NOS1AP: variants seen among roughly 807,000 people sequenced by gnomAD.
The protein encoded by NOS1AP is nitric oxide synthase 1 adaptor protein, also known as carboxyl-terminal PDZ ligand of neuronal nitric oxide synthase protein.
In NOS1AP, 21 loss-of-function variants were observed where a neutral mutation model predicts 56.2. The ratio of observed to expected loss-of-function variants is 0.37; its 90% confidence interval spans 0.26 to 0.54. The LOEUF is 0.54. Ranked by LOEUF, NOS1AP falls within the 20% of genes least tolerant of loss-of-function variation. The probability of loss-of-function intolerance (pLI) is 0.84; values close to 1 mark genes in which losing one functional copy is unlikely to be tolerated. For synonymous variants in NOS1AP, 270 were observed against 274.6 expected, an observed-to-expected ratio of 0.98 and a Z score of 0.17; for missense variants, 522 against 657.8, an observed-to-expected ratio of 0.79 and a Z score of 2.26.
intron 1 of NOS1AP, among the ~76,000 whole-genome samples, chr1:162,080,626 T>G (rs1168948030): frequency 1.3e-5 from 2 of 152,154 alleles, no homozygotes; most frequent in African/African-American, 2.4e-5. Flanking sequence ...ACATGAGAAG[T>G]GCTGTTTGCA....
At chr1:162,165,260 G>A (rs6657267) in intron 2 of NOS1AP, among the ~76,000 whole-genome samples, 128,045 of 152,020 alleles carry the variant, frequency 0.84, 55,695 homozygotes, top group East Asian at 0.99. Flanking sequence ...GGCAGGGGTT[G>A]CGGTGAGCCA....
At chr1:162,362,428 G>A (rs1657932486) in intron 8 of NOS1AP, among the ~76,000 whole-genome samples, 1 of 34,320 alleles carries the variant, frequency 2.9e-5, no homozygotes, top group Non-Finnish European at 5.7e-5. Context: ...TCCAGCCTGG[G>A]TGACAGAGTG....
Position 162,367,826 on chromosome 1 carries a change from C to CA in NOS1AP, c.*359_*360insA. On this transcript the variant is annotated 3_prime_UTR_variant, in exon 10 of 10. Transcript: ENST00000361897. This position sits in a 1 kb window ranked among gnomAD's most constrained non-coding sequence, Gnocchi z 6.5. ...GCTCCCACGCTTTGTCCGTGATGCC[C>CA]CCCTACCCCCTCACTCTCCCCGTCT... 1 of 244,418 alleles carries CA rather than the reference C, an allele frequency of 4.1e-6. No individual in the cohort carries two copies. The highest frequency in any genetic ancestry group is 8.0e-6 in the Non-Finnish European group (1 of 125,198). The allele number at this position is 244,418 out of a possible 1,614,324, so 15.1% of individuals were successfully genotyped here.
At chr1:162,127,837 C>T (rs1433768297) in intron 1 of NOS1AP, among the ~76,000 whole-genome samples, 1 of 152,216 alleles carries the variant, frequency 6.6e-6, no homozygotes, top group African/African-American at 2.4e-5. Flanking sequence ...CCACCTCCAA[C>T]ACTGGGGATT....
chr1:162,151,291 C>T (rs934876627), intron 1 of NOS1AP, among the ~76,000 whole-genome samples: 1 of 152,144 alleles, frequency 6.6e-6, no homozygotes, highest in South Asian at 2.1e-4. Flanking sequence ...GATTTGTTTC[C>T]GGGTTCCCCA....
intron 4 of NOS1AP, among the ~76,000 whole-genome samples, chr1:162,327,753 A>G (rs1168691647): frequency 6.6e-6 from 1 of 152,242 alleles, no homozygotes; most frequent in Non-Finnish European, 1.5e-5. Flanking sequence ...GGGCATAGAA[A>G]ATATTTATCC....
At chr1:162,255,465 A>G (rs1653995076) in intron 2 of NOS1AP, among the ~76,000 whole-genome samples, 1 of 121,882 alleles carries the variant, frequency 8.2e-6, no homozygotes, top group Admixed American at 9.4e-5. Flanking sequence ...GGGATTTCAG[A>G]TGCATAGGTT....
chr1:162,298,112 C>A (rs146189752), intron 3 of NOS1AP, among the ~76,000 whole-genome samples: 64 of 152,358 alleles, frequency 4.2e-4, no homozygotes, highest in African/African-American at 1.5e-3. Context: ...CACGGAAGAC[C>A]GTCCTCACTG....
intron 2 of NOS1AP, among the ~76,000 whole-genome samples, chr1:162,179,228 C>G (rs115471639): frequency 0.035 from 5,370 of 152,186 alleles, 138 homozygotes; most frequent in Non-Finnish European, 0.049. Context: ...CAAATATTAG[C>G]TTGTTTACAC....
rs116105159 is a variant in NOS1AP, at chr1:162,275,077, A to G, written c.178-12267A>G. On this transcript the variant is annotated intron_variant, in intron 2 of 9. Transcript: ENST00000361897. ...AGCAAGTTTAATTTTATGAAGTTCA[A>G]TTAATCAGTTTTTTATTTTTTATGG... Among the ~76,000 whole-genome samples, 997 of 152,292 alleles carry G rather than the reference A, an allele frequency of 6.5e-3. 8 individuals carry two copies. Among genetic ancestry groups the G allele is most frequent in the African/African-American group, 0.023 (942 of 41,562 alleles).
At chr1:162,166,052 A>T (rs950368125) in intron 2 of NOS1AP, among the ~76,000 whole-genome samples, 3 of 152,144 alleles carry the variant, frequency 2.0e-5, no homozygotes, top group African/African-American at 7.2e-5. Flanking sequence ...CTTCTCTGTC[A>T]CTACCCCTGG....
At chr1:162,311,021 T>C (rs1656009511) in intron 4 of NOS1AP, among the ~76,000 whole-genome samples, 1 of 152,160 alleles carries the variant, frequency 6.6e-6, no homozygotes, top group Non-Finnish European at 1.5e-5. Flanking sequence ...CTCCTTTCCT[T>C]TTTTTAACCC....
intron 1 of NOS1AP, among the ~76,000 whole-genome samples, chr1:162,097,431 T>A (rs1196610643): frequency 6.6e-6 from 1 of 152,206 alleles, no homozygotes; most frequent in African/African-American, 2.4e-5. Flanking sequence ...TTTTTATTTG[T>A]GTTTTCTTTG....
chr1:162,361,179 T>C (rs1648436941), intron 8 of NOS1AP, among the ~76,000 whole-genome samples: 1 of 152,176 alleles, frequency 6.6e-6, no homozygotes, highest in Admixed American at 6.5e-5. Flanking sequence ...GACAACACAG[T>C]TCTGCAAAGG....
At chr1:162,359,358 T>A (rs1433622154) in intron 8 of NOS1AP, among the ~76,000 whole-genome samples, 4 of 152,204 alleles carry the variant, frequency 2.6e-5, no homozygotes, top group African/African-American at 9.6e-5. Flanking sequence ...GATAGGTTCT[T>A]GAACATACTC....
intron 6 of NOS1AP, among the ~76,000 whole-genome samples, chr1:162,352,045 G>T (rs538829792): frequency 1.3e-4 from 19 of 146,668 alleles, no homozygotes; most frequent in African/African-American, 4.2e-4. Flanking sequence ...TGCTTTGTAG[G>T]CTCTGCTTCT....
chr1:162,332,855 G>A (rs1656817218), intron 4 of NOS1AP, among the ~76,000 whole-genome samples, 162 bp from the exon 5 acceptor site: 1 of 152,146 alleles, frequency 6.6e-6, no homozygotes, highest in Admixed American at 6.5e-5. Context: ...TGTTGAAAGT[G>A]CCTCCTGCAT....
chr1:162,077,114 A>G (rs1471034569), intron 1 of NOS1AP, among the ~76,000 whole-genome samples: 1 of 152,236 alleles, frequency 6.6e-6, no homozygotes, highest in Non-Finnish European at 1.5e-5. Flanking sequence ...GGGTAAAAGT[A>G]AAATGGCTGG....
At chr1:162,280,518 A>C (rs1654889201) in intron 2 of NOS1AP, among the ~76,000 whole-genome samples, 1 of 152,212 alleles carries the variant, frequency 6.6e-6, no homozygotes, top group African/African-American at 2.4e-5. Flanking sequence ...TTTTGGCCGT[A>C]CTTCTGATCT....
Sources: allele counts gnomAD v4.1 joint callset (sites outside exome capture counted in the v4.1 genomes callset), GRCh38; gene constraint gnomAD v4.1.1; non-coding constraint Gnocchi (gnomAD v3.1); transcripts MANE v1.5; gene names NCBI Gene and HGNC (gene_info 2026-07-23, HGNC 2026-07-21).